Variants in ABHD3 observed in about 807,000 individuals in gnomAD.
The protein encoded by ABHD3 is abhydrolase domain containing 3, phospholipase.
In ABHD3, 46 loss-of-function variants were observed where a neutral mutation model predicts 48.8. The observed-to-expected ratio is 0.94, with a 90% confidence interval of 0.74 to 1.20. The LOEUF (loss-of-function observed/expected upper bound fraction) is 1.20, where lower values mean the gene tolerates loss of function less well. ABHD3 is among the 50% of genes most tolerant of loss of function. The probability of loss-of-function intolerance (pLI) is 0.00; values close to 1 mark genes in which losing one functional copy is unlikely to be tolerated. For synonymous variants in ABHD3, 192 were observed against 183.7 expected, an observed-to-expected ratio of 1.04 and a Z score of -0.36; for missense variants, 490 against 497.8, an observed-to-expected ratio of 0.98 and a Z score of 0.15.
At position 21,687,529 on chromosome 18, in the gene ABHD3, T is replaced by C. The variant is rs78808425; in HGVS notation, c.510-3564A>G. Among the ~76,000 whole-genome samples, 1,441 of 152,276 alleles carry C rather than the reference T, an allele frequency of 9.5e-3. 25 individuals carry two copies. Among genetic ancestry groups the C allele is most frequent in the African/African-American group, 0.033 (1,354 of 41,558 alleles). On this transcript the variant is annotated intron_variant, in intron 3 of 8. Coordinates refer to ENST00000289119, the MANE Select transcript of ABHD3 (RefSeq NM_138340.5). ...CCCAGCCGCCTCTGTTAAACTTCTG[T>C]AACAGTTCTCTCCAATTAATTTTTA...
intron 4 of ABHD3, among the ~76,000 whole-genome samples, chr18:21,674,192 T>C (rs1208976842): frequency 6.6e-6 from 1 of 152,054 alleles, no homozygotes; most frequent in Non-Finnish European, 1.5e-5. Context: ...TAAATTATTA[T>C]TTCTAAAACT....
intron 2 of ABHD3, among the ~76,000 whole-genome samples, chr18:21,702,902 G>A (rs2040543789): frequency 1.3e-5 from 2 of 152,174 alleles, no homozygotes; most frequent in Non-Finnish European, 2.9e-5. Flanking sequence ...CAATAATGCA[G>A]TCTCCTTGTA....
intron 3 of ABHD3, among the ~76,000 whole-genome samples, chr18:21,693,453 T>G (rs563871188): frequency 6.6e-6 from 1 of 152,308 alleles, no homozygotes; most frequent in East Asian, 1.9e-4. Flanking sequence ...TGCCCAGCAC[T>G]ACCTAAGCTG....
chr18:21,702,186 G>A, intron 3 of ABHD3, 130 bp downstream of exon 3: 1 of 818,474 alleles, frequency 1.2e-6, no homozygotes, highest in Non-Finnish European at 1.8e-6. Context: ...AGAATGCAGA[G>A]AAAAATAATA....
chr18:21,658,908 G>A (rs1325793271), intron 6 of ABHD3, among the ~76,000 whole-genome samples: 1 of 149,196 alleles, frequency 6.7e-6, no homozygotes, highest in Non-Finnish European at 1.5e-5. Flanking sequence ...GCACGATCTC[G>A]GCTTACTGCA....
chr18:21,657,416 T>C (rs986323031), intron 6 of ABHD3, among the ~76,000 whole-genome samples: 6 of 151,750 alleles, frequency 4.0e-5, no homozygotes, highest in African/African-American at 1.5e-4. Context: ...CACGGCTCAC[T>C]GCACCTTCAG....
At chr18:21,669,101 T>C (rs566644569) in intron 4 of ABHD3, among the ~76,000 whole-genome samples, 1 of 152,010 alleles carries the variant, frequency 6.6e-6, no homozygotes, top group Non-Finnish European at 1.5e-5. Context: ...CACCCAAAAT[T>C]AGCCAGGTGT....
At position 21,680,435 on chromosome 18, in the gene ABHD3, T is replaced by C. The variant is rs139492543; in HGVS notation, c.555+3485A>G. Among the ~76,000 whole-genome samples, 101 of 152,358 alleles carry C rather than the reference T, an allele frequency of 6.6e-4. No homozygotes were observed. In the Middle Eastern group the frequency reaches 0.014, roughly 21 times the overall value. On this transcript the variant is annotated intron_variant, in intron 4 of 8. Transcript: ENST00000289119. Reference sequence around the variant, plus strand: ...TATTTGACTTGTACTTTATCACTTATAGCTGGTTAGTGGTGACAACCGAAC... The same window carrying C: ...TATTTGACTTGTACTTTATCACTTACAGCTGGTTAGTGGTGACAACCGAAC...
At position 21,704,667 on chromosome 18, in the gene ABHD3, GC is replaced by G; in HGVS notation, c.-3del. ...CAGGTCCATGGCCAGGCGCTGCATGGCCCCCGAGCGCGGCGCGCGGGTCCTG... is the reference window on the plus strand; with the variant it reads ...CAGGTCCATGGCCAGGCGCTGCATGGCCCCGAGCGCGGCGCGCGGGTCCTG... On this transcript the variant is annotated 5_prime_UTR_variant, in exon 1 of 9. Transcript: ENST00000289119. The G allele has an allele frequency of 4.7e-6, 7 of 1,482,536 alleles. No individual in the cohort carries two copies. Among genetic ancestry groups the G allele is most frequent in the South Asian group, 1.3e-5 (1 of 74,902 alleles). 91.8% of individuals were successfully genotyped at this position (1,482,536 alleles called of 1,614,324 possible).
intron 5 of ABHD3, 54 bp downstream of exon 5, chr18:21,664,064 A>T: frequency 6.4e-7 from 1 of 1,556,904 alleles, no homozygotes; most frequent in Non-Finnish European, 8.6e-7. Flanking sequence ...TCAAAGAGAC[A>T]GCCAATAAAA....
intron 3 of ABHD3, among the ~76,000 whole-genome samples, chr18:21,696,492 A>G (rs2040373334): frequency 6.6e-6 from 1 of 152,148 alleles, no homozygotes; most frequent in African/African-American, 2.4e-5. Flanking sequence ...AATTCAGAAA[A>G]TGGTAAAAGG....
chr18:21,664,062 A>G, intron 5 of ABHD3, 56 bp downstream of exon 5: 1 of 1,553,228 alleles, frequency 6.4e-7, no homozygotes, highest in Non-Finnish European at 8.7e-7. Flanking sequence ...TCTCAAAGAG[A>G]CAGCCAATAA....
chr18:21,668,750 C>T (rs1214491801), intron 4 of ABHD3, among the ~76,000 whole-genome samples: 1 of 152,026 alleles, frequency 6.6e-6, no homozygotes, highest in Non-Finnish European at 1.5e-5. Context: ...ACGTTTTTCT[C>T]CAAATAGATT....
At chr18:21,694,251 A>G (rs1247099982) in intron 3 of ABHD3, among the ~76,000 whole-genome samples, 1 of 151,810 alleles carries the variant, frequency 6.6e-6, no homozygotes, top group Non-Finnish European at 1.5e-5. Context: ...GGGGGCCACC[A>G]TACCTGGCTA....
At chr18:21,698,779 C>T (rs2040443303) in intron 3 of ABHD3, among the ~76,000 whole-genome samples, 1 of 151,906 alleles carries the variant, frequency 6.6e-6, no homozygotes, top group Non-Finnish European at 1.5e-5. Flanking sequence ...TGGGGTTTCG[C>T]CATGTGGGCC....
chr18:21,655,784 C>T (rs1435007162), intron 8 of ABHD3, among the ~76,000 whole-genome samples: 2 of 147,034 alleles, frequency 1.4e-5, no homozygotes, highest in African/African-American at 5.0e-5. Context: ...GAGCCGAGAT[C>T]GTGTCTTTGC....
intron 3 of ABHD3, among the ~76,000 whole-genome samples, chr18:21,701,081 T>C (rs2040503004): frequency 6.6e-6 from 1 of 152,068 alleles, no homozygotes; most frequent in Non-Finnish European, 1.5e-5. Context: ...AACATCATAG[T>C]TCTTGAGAGA....
chr18:21,681,931 C>T (rs2040012851), intron 4 of ABHD3, among the ~76,000 whole-genome samples: 1 of 152,072 alleles, frequency 6.6e-6, no homozygotes, highest in Admixed American at 6.6e-5. Flanking sequence ...TAAGAGCAGC[C>T]TGGGCAACAG....
chr18:21,691,244 T>C (rs1568160031), intron 3 of ABHD3, among the ~76,000 whole-genome samples: 1 of 152,316 alleles, frequency 6.6e-6, no homozygotes, highest in East Asian at 1.9e-4. Flanking sequence ...ATCTTAAATG[T>C]GTATGTGTCT....
Sources: gnomAD v4.1 joint callset for allele counts (sites outside exome capture counted in the v4.1 genomes callset) on GRCh38, gnomAD v4.1.1 for gene constraint, MANE v1.5 for transcripts, NCBI Gene and HGNC (gene_info 2026-07-23, HGNC 2026-07-21) for gene names.